STING1: variants seen among roughly 807,000 people sequenced by gnomAD.
The protein encoded by STING1 is stimulator of interferon genes protein.
Under a neutral mutation model 31.6 loss-of-function variants are expected in STING1, and 19 were observed. The ratio of observed to expected loss-of-function variants is 0.60; its 90% CI spans 0.42 to 0.88. The LOEUF is 0.88. Among genes scored for constraint, STING1 ranks in the 40% least tolerant of loss-of-function variants. The pLI is 0.00. For missense variants in STING1, 371 were observed against 483.7 expected (o/e 0.77, Z 2.19); for synonymous variants, 200 against 208.6 (o/e 0.96, Z 0.35).
rs1227077593 is a variant in STING1 at position 139,476,213 on chromosome 5, C to G, written c.*48G>C. ...TCAGCCACTGAAGAGAGCCCCCAGTCCAGAGGCTTGGAGACCACTGGAGGC... is the reference window on the plus strand; with the variant it reads ...TCAGCCACTGAAGAGAGCCCCCAGTGCAGAGGCTTGGAGACCACTGGAGGC... On this transcript the variant is annotated 3_prime_UTR_variant, in exon 8 of 8. Transcript: ENST00000330794. 1 of 1,459,948 alleles carries G rather than the reference C, an allele frequency of 6.8e-7. No homozygotes were observed. The highest frequency in any genetic ancestry group is 2.5e-5 in the East Asian group (1 of 40,398). The allele number at this position is 1,459,948 out of a possible 1,614,324, so 90.4% of individuals were successfully genotyped here.
Position 139,480,911 on chromosome 5 carries a change from G to C in STING1, c.412-13C>G, listed in dbSNP as rs1363385163. 6.2e-7 allele frequency: 1 copy of C among 1,600,824 alleles called. No homozygotes were observed. Among genetic ancestry groups the C allele is most frequent in the Non-Finnish European group, 8.6e-7 (1 of 1,168,564 alleles). The stretch of plus-strand genomic sequence containing the variant: ...CTGGGGCCAGGCCCTGTGGACAGCA[G>C]GATGTGGCTGGGGGGCCTCCATCAA... On this transcript the variant is annotated splice_polypyrimidine_tract_variant and intron_variant, in intron 4 of 7. Coordinates refer to ENST00000330794, the MANE Select transcript of STING1 (RefSeq NM_198282.4).
Position 139,481,082 on chromosome 5 carries a change from C to T in STING1, c.411+77G>A, listed in dbSNP as rs991823855. The stretch of plus-strand genomic sequence containing the variant: ...CCAGCCTTTAAACCAGTCCCACTCC[C>T]AGTACTCAGCTCAGGGCAGGTCACA... On this transcript the variant is annotated intron_variant, in intron 4 of 7. Coordinates refer to ENST00000330794, the MANE Select transcript of STING1 (RefSeq NM_198282.4). This position sits in a 1 kb window ranked among gnomAD's most constrained non-coding sequence, Gnocchi z 4.1. 6.9e-7 allele frequency: 1 copy of T among 1,456,278 alleles called. No individual in the cohort carries two copies. Among genetic ancestry groups the T allele is most frequent in the African/African-American group, 1.4e-5 (1 of 71,810 alleles). 90.2% of individuals were successfully genotyped at this position (1,456,278 alleles called of 1,614,324 possible).
intron 5 of STING1, 107 bp from the exon 6 acceptor site, chr5:139,478,615 T>C: frequency 1.0e-6 from 1 of 978,728 alleles, no homozygotes; most frequent in Non-Finnish European, 1.6e-6. Context: ...TGCCAGAGAA[T>C]GGAGAGTCCA....
Position 139,477,499 on chromosome 5 carries a change from A to G in STING1, c.776T>C (p.Leu259Pro). Residue 259 changes from leucine (L) to proline (P), a missense_variant, in exon 7 of 8, where the codon CTG becomes CCG. Transcript: ENST00000330794. ...AGTCTGCAAGGGGGTGGCGTACTCCAGGACACAGGTGCCCGCCTAGAGGAG... is the reference window on the plus strand; with the variant it reads ...AGTCTGCAAGGGGGTGGCGTACTCCGGGACACAGGTGCCCGCCTAGAGGAG... ...ENGQRAGTCV[L>P]EYATPLQTLF... 1.2e-6 allele frequency: 2 copies of G among 1,614,016 alleles called. No homozygotes were observed. The highest frequency in any genetic ancestry group is 1.7e-6 in the Non-Finnish European group (2 of 1,179,910).
At chr5:139,478,814 G>C (rs1751742047) in intron 5 of STING1, 3 of 356,674 alleles carry the variant, frequency 8.4e-6, no homozygotes, top group Non-Finnish European at 1.6e-5. Context: ...GACATTTCCA[G>C]CATTCTCGTG....
chr5:139,478,681 C>T (rs1349153627), intron 5 of STING1, 173 bp from the exon 6 acceptor site: 2 of 631,764 alleles, frequency 3.2e-6, no homozygotes, highest in South Asian at 1.8e-5. Flanking sequence ...AAGCCCTCCC[C>T]ACCCCTCCTC....
intron 7 of STING1, 136 bp from the exon 8 acceptor site, chr5:139,476,590 G>C: frequency 1.4e-6 from 1 of 718,840 alleles, no homozygotes; most frequent in Admixed American, 2.8e-5. Context: ...ACTGGGACTA[G>C]AGTTTCATAG....
chr5:139,478,228 C>A, intron 6 of STING1, 42 bp downstream of exon 6: 1 of 1,496,402 alleles, frequency 6.7e-7, no homozygotes, highest in South Asian at 1.2e-5. Context: ...GTTCTGGGGT[C>A]CTGACCCCTC....
At chr5:139,479,459 T>C (rs1052897189) in intron 5 of STING1, among the ~76,000 whole-genome samples, 7 of 151,902 alleles carry the variant, frequency 4.6e-5, no homozygotes, top group Non-Finnish European at 2.9e-5. Context: ...TCTAGCACTT[T>C]GGGAGGCCGA....
chr5:139,476,031 T>G lies in STING1; in HGVS notation c.*230A>C. The G allele has an allele frequency of 2.0e-6, 1 of 493,584 alleles. No homozygotes were observed. Among genetic ancestry groups the G allele is most frequent in the Non-Finnish European group, 3.6e-6 (1 of 274,554 alleles). 30.6% of individuals were successfully genotyped at this position (493,584 alleles called of 1,614,324 possible). ...GTCCTCACAACAACCGTGAGGGAGG[T>G]AAGGCAGTGATTATGATCCCATTTC... On this transcript the variant is annotated 3_prime_UTR_variant, in exon 8 of 8. Coordinates refer to ENST00000330794, the MANE Select transcript of STING1 (RefSeq NM_198282.4).
intron 4 of STING1, 44 bp from the exon 5 acceptor site, chr5:139,480,942 C>A (rs757793513): frequency 6.8e-7 from 1 of 1,469,950 alleles, no homozygotes; most frequent in South Asian, 1.1e-5. Context: ...ATCAAGGACA[C>A]CCAGAGAACT....
At position 139,478,314 on chromosome 5, in the gene STING1, C is replaced by T; in HGVS notation, c.715G>A (p.Val239Ile). 1 of 1,614,160 alleles carries T rather than the reference C, an allele frequency of 6.2e-7. No individual in the cohort carries two copies. Among genetic ancestry groups the T allele is most frequent in the Non-Finnish European group, 8.5e-7 (1 of 1,180,030 alleles). The change falls in exon 6 of 8, where the codon GTT becomes ATT. Residue 239 changes from valine to isoleucine, a missense_variant. Physicochemically the swap from Val to Ile is conservative, Grantham distance 29 (BLOSUM62 3). Coordinates refer to ENST00000330794, the MANE Select transcript of STING1 (RefSeq NM_198282.4). Reference protein sequence around the residue: ...TGDHAGIKDRVYSNSIYELLE... With the variant: ...TGDHAGIKDRIYSNSIYELLE... ...AGCTCATAGATGCTGTTGCTGTAAA[C>T]CCGATCCTTGATGCCAGCATGGTCA...
Position 139,481,823 on chromosome 5 carries a change from G to T in STING1, c.1-119C>A. On this transcript the variant is annotated intron_variant, in intron 2 of 7. Coordinates refer to ENST00000330794, the MANE Select transcript of STING1 (RefSeq NM_198282.4). This position sits in a 1 kb window ranked among gnomAD's most constrained non-coding sequence, Gnocchi z 4.1. ...TTTCCCTGGTGCCCAGCCACTCCCA[G>T]AGGCTGCTCTTAGAGACACCTCTAG... 1 of 817,762 alleles carries T rather than the reference G, an allele frequency of 1.2e-6. No homozygotes were observed. The highest frequency in any genetic ancestry group is 1.9e-6 in the Non-Finnish European group (1 of 516,952). 50.7% of individuals were successfully genotyped at this position (817,762 alleles called of 1,614,324 possible).
At chr5:139,477,626 T>C in intron 6 of STING1, 111 bp from the exon 7 acceptor site, 1 of 1,112,302 alleles carries the variant, frequency 9.0e-7, no homozygotes. Flanking sequence ...CCCCACTCCC[T>C]CAGCCTGTAA....
At chr5:139,479,943 G>T (rs1020212934) in intron 5 of STING1, among the ~76,000 whole-genome samples, 3 of 145,074 alleles carry the variant, frequency 2.1e-5, no homozygotes, top group Admixed American at 1.4e-4. Context: ...GGCAGAGGTC[G>T]CAGTGAGCTG....
At chr5:139,480,599 T>G (rs1190461887) in intron 5 of STING1, among the ~76,000 whole-genome samples, 191 bp downstream of exon 5, 1 of 152,202 alleles carries the variant, frequency 6.6e-6, no homozygotes, top group Non-Finnish European at 1.5e-5. Flanking sequence ...TTAATGGCTC[T>G]AAGCCCCATA....
chr5:139,476,504 A>G, intron 7 of STING1, 50 bp from the exon 8 acceptor site: 1 of 1,543,024 alleles, frequency 6.5e-7, no homozygotes, highest in Admixed American at 1.8e-5. Flanking sequence ...ACCCATTCCC[A>G]CTCAAACATA....
rs1751892338 is a variant in STING1, at chr5:139,482,561, C to G, written c.-105G>C. On this transcript the variant is annotated 5_prime_UTR_variant, in exon 1 of 8. Coordinates refer to ENST00000330794, the MANE Select transcript of STING1 (RefSeq NM_198282.4). The stretch of plus-strand genomic sequence containing the variant: ...TTAGAAACACTCACCGCAGTCACAG[C>G]TCTGAACAGCGGGTTCCCCTCAAGC... The G allele has an allele frequency of 6.6e-6, 1 of 152,408 alleles. No individual in the cohort carries two copies. The highest frequency in any genetic ancestry group is 1.5e-5 in the Non-Finnish European group (1 of 68,156). 9.4% of individuals were successfully genotyped at this position (152,408 alleles called of 1,614,324 possible).
Position 139,478,368 on chromosome 5 carries a change from A to G in STING1, c.661T>C (p.Phe221Leu). The stretch of plus-strand genomic sequence containing the variant: ...GTCTGCTGGGGCAGTTTATCCAGGA[A>G]GCGAATGTTGGGGTCAGCCATACTC... Reference protein sequence around the residue: ...NLSMADPNIRFLDKLPQQTGD... With the variant: ...NLSMADPNIRLLDKLPQQTGD... Residue 221 changes from phenylalanine (F) to leucine (L), a missense_variant, in exon 6 of 8, where the codon TTC (phenylalanine) becomes CTC (leucine). Phe to Leu is a conservative substitution (Grantham distance 22). Transcript: ENST00000330794. 6.2e-7 allele frequency: 1 copy of G among 1,614,176 alleles called. No homozygotes were observed. The highest frequency in any genetic ancestry group is 8.5e-7 in the Non-Finnish European group (1 of 1,180,028).
Sources: allele counts gnomAD v4.1 joint callset (sites outside exome capture counted in the v4.1 genomes callset), GRCh38; gene constraint gnomAD v4.1.1; non-coding constraint Gnocchi (gnomAD v3.1); transcripts MANE v1.5; gene names NCBI Gene and HGNC (gene_info 2026-07-23, HGNC 2026-07-21).